Variants in CNTN4 observed in about 807,000 individuals in gnomAD.
The protein encoded by CNTN4 is contactin-4.
CNTN4 carries 77 observed loss-of-function variants against 122.5 expected under a neutral mutation model. The observed-to-expected ratio is 0.63, with a 90% CI of 0.52 to 0.76. CNTN4 has a LOEUF of 0.76. Ranked by LOEUF, CNTN4 falls within the 30% of genes least tolerant of loss-of-function variation. The pLI is 0.00. For synonymous variants in CNTN4, 512 were observed against 447.0 expected (o/e 1.15, Z -1.83); for missense variants, 1,256 against 1,259.1 (o/e 1.00, Z 0.04).
intron 3 of CNTN4, among the ~76,000 whole-genome samples, chr3:2,377,010 G>A (rs1415724357): frequency 6.6e-6 from 1 of 152,056 alleles, no homozygotes; most frequent in Admixed American, 6.6e-5. Flanking sequence ...ACAAAAATTA[G>A]CCAGGCATAG....
intron 4 of CNTN4, among the ~76,000 whole-genome samples, chr3:2,666,433 A>G (rs1265876821): frequency 6.6e-6 from 1 of 152,108 alleles, no homozygotes; most frequent in Non-Finnish European, 1.5e-5. Flanking sequence ...GGGAAAAAAC[A>G]TTTTCCTTTC....
rs28612790 is a variant in CNTN4 at position 2,142,327 on chromosome 3, C to T, written c.-145+41688C>T. 1.5e-3 allele frequency among the ~76,000 whole-genome samples: 233 copies of T among 151,798 alleles called. 1 individual carries two copies. The highest frequency in any genetic ancestry group is 5.5e-3 in the African/African-American group (229 of 41,390). ...TTTTTAGAGCTAGAGACTTTGTCTGCTCTCCTGACTTTTTGATATTCTTTC... is the reference window on the plus strand; with the variant it reads ...TTTTTAGAGCTAGAGACTTTGTCTGTTCTCCTGACTTTTTGATATTCTTTC... On this transcript the variant is annotated intron_variant, in intron 2 of 24. Coordinates refer to ENST00000418658, the MANE Select transcript of CNTN4 (RefSeq NM_175607.3).
At chr3:2,812,213 C>G (rs1201001359) in intron 6 of CNTN4, among the ~76,000 whole-genome samples, 3 of 152,262 alleles carry the variant, frequency 2.0e-5, no homozygotes, top group Admixed American at 2.0e-4. Flanking sequence ...ATCTGTACAA[C>G]AAACCCCCAT....
chr3:2,841,345 T>C lies in CNTN4; in HGVS notation c.454+21764T>C, dbSNP rs905145022. On this transcript the variant is annotated intron_variant, in intron 7 of 24. Transcript: ENST00000418658. The surrounding 1 kb of genome is among the most constrained non-coding windows in gnomAD (Gnocchi z 4.8). The stretch of plus-strand genomic sequence containing the variant: ...ATTGCCTCATACTGTGACATTATTA[T>C]ATCCTACAATCACTCATATATCTTT... 1.3e-5 allele frequency among the ~76,000 whole-genome samples: 2 copies of C among 152,240 alleles called. No individual in the cohort carries two copies. Among genetic ancestry groups the C allele is most frequent in the African/African-American group, 4.8e-5 (2 of 41,462 alleles).
intron 4 of CNTN4, among the ~76,000 whole-genome samples, chr3:2,606,523 A>G (rs1438010519): frequency 6.6e-6 from 1 of 152,228 alleles, no homozygotes; most frequent in Non-Finnish European, 1.5e-5. Context: ...ACAGTGACTG[A>G]TGGGCGGATA....
intron 12 of CNTN4, among the ~76,000 whole-genome samples, chr3:2,919,402 G>C (rs1325867720): frequency 6.8e-6 from 1 of 147,476 alleles, no homozygotes; most frequent in African/African-American, 2.5e-5. Context: ...TTTAAAAATT[G>C]ACTTAATTCT....
At chr3:2,783,771 C>T (rs574311336) in intron 6 of CNTN4, among the ~76,000 whole-genome samples, 17 of 152,202 alleles carry the variant, frequency 1.1e-4, no homozygotes, top group Admixed American at 2.0e-4. Context: ...AATCCATTTT[C>T]GGCATTTTGA....
chr3:2,396,871 C>T (rs1053442778), intron 3 of CNTN4, among the ~76,000 whole-genome samples: 9 of 152,110 alleles, frequency 5.9e-5, no homozygotes, highest in East Asian at 1.9e-4. Flanking sequence ...TAAGGAGCTG[C>T]AGTAATGTCA....
At chr3:2,763,709 G>T (rs1422268661) in intron 6 of CNTN4, among the ~76,000 whole-genome samples, 1 of 152,198 alleles carries the variant, frequency 6.6e-6, no homozygotes, top group Non-Finnish European at 1.5e-5. Flanking sequence ...TGGCTAGCCA[G>T]TTATCCCGGC....
chr3:2,391,842 T>C (rs904903469), intron 3 of CNTN4, among the ~76,000 whole-genome samples: 6 of 152,176 alleles, frequency 3.9e-5, no homozygotes, highest in Admixed American at 2.6e-4. Flanking sequence ...GGAAAGCTCA[T>C]TGAATGCATT....
intron 2 of CNTN4, among the ~76,000 whole-genome samples, chr3:2,143,646 G>C (rs1344668398): frequency 6.6e-6 from 1 of 152,178 alleles, no homozygotes; most frequent in Non-Finnish European, 1.5e-5. Flanking sequence ...TGCATGTTGT[G>C]TGCTAGGCAT....
At chr3:2,314,791 ATC>A (rs1559445209) in intron 2 of CNTN4, among the ~76,000 whole-genome samples, 1 of 152,028 alleles carries the variant, frequency 6.6e-6, no homozygotes, top group African/African-American at 2.4e-5. Flanking sequence ...AAATTGCGAT[ATC>A]TCTAAATCTA....
At chr3:3,037,110 C>A in intron 17 of CNTN4, 69 bp from the exon 18 acceptor site, 1 of 1,541,806 alleles carries the variant, frequency 6.5e-7, no homozygotes, top group Non-Finnish European at 9.0e-7. Flanking sequence ...TTCCTATCTT[C>A]CTAACGTAAT....
At position 2,328,412 on chromosome 3, in the gene CNTN4, T is replaced by A. The variant is rs528519891; in HGVS notation, c.-144-10766T>A. On this transcript the variant is annotated intron_variant, in intron 2 of 24. Coordinates refer to ENST00000418658, the MANE Select transcript of CNTN4 (RefSeq NM_175607.3). ...CAGAGCGAGACTCCGTCTCAAAAAA[T>A]AAAAAAATAAAAAACACAGTTTTCC... is the stretch of plus-strand genomic sequence containing the variant. 7.4e-3 allele frequency among the ~76,000 whole-genome samples: 1,120 copies of A among 152,116 alleles called. 7 individuals carry two copies. The highest frequency in any genetic ancestry group is 0.011 in the Non-Finnish European group (775 of 67,972).
At chr3:2,198,693 T>C (rs1310282381) in intron 2 of CNTN4, among the ~76,000 whole-genome samples, 3 of 152,184 alleles carry the variant, frequency 2.0e-5, no homozygotes, top group Admixed American at 2.0e-4. Context: ...TTTCATAGAA[T>C]ATACTCGAGA....
chr3:2,653,212 C>G (rs2083443861), intron 4 of CNTN4, among the ~76,000 whole-genome samples: 2 of 151,850 alleles, frequency 1.3e-5, no homozygotes, highest in Non-Finnish European at 2.9e-5. Flanking sequence ...GTAAAAAAAG[C>G]AAGGACTTTT....
intron 3 of CNTN4, among the ~76,000 whole-genome samples, chr3:2,448,952 G>A (rs527899177): frequency 1.3e-5 from 2 of 152,186 alleles, no homozygotes; most frequent in Admixed American, 6.5e-5. Context: ...TATCTCCAGA[G>A]GCTTTTACTT....
At chr3:2,689,350 A>G (rs1480126334) in intron 4 of CNTN4, among the ~76,000 whole-genome samples, 4 of 152,188 alleles carry the variant, frequency 2.6e-5, no homozygotes, top group Non-Finnish European at 5.9e-5. Flanking sequence ...CACTGAAGTT[A>G]TAACATCAGT....
At chr3:2,829,605 T>G (rs1266357920) in intron 7 of CNTN4, among the ~76,000 whole-genome samples, 1 of 152,260 alleles carries the variant, frequency 6.6e-6, no homozygotes, top group South Asian at 2.1e-4. Context: ...AAGTATATTC[T>G]GTGATGCTAC....
Sources: gnomAD v4.1 joint callset for allele counts (sites outside exome capture counted in the v4.1 genomes callset) on GRCh38, gnomAD v4.1.1 for gene constraint, Gnocchi (gnomAD v3.1) non-coding constraint, MANE v1.5 for transcripts, NCBI Gene and HGNC (gene_info 2026-07-23, HGNC 2026-07-21) for gene names.